MAML1: variants seen among roughly 807,000 people sequenced by gnomAD.
MAML1 encodes mastermind like transcriptional coactivator 1.
In MAML1, 14 loss-of-function variants were observed where a neutral mutation model predicts 77.1. The ratio of observed to expected loss-of-function variants is 0.18; its 90% confidence interval spans 0.12 to 0.28. MAML1 has a LOEUF of 0.28. Among genes scored for constraint, MAML1 ranks in the 10% least tolerant of loss-of-function variants. The pLI is 1.00. For synonymous variants in MAML1, 516 were observed against 551.9 expected (o/e 0.93, Z 0.91); for missense variants, 1,217 against 1,327.8 (o/e 0.92, Z 1.30).
In MAML1 at chr5:179,766,151, G is replaced by C; in HGVS notation, c.1141G>C (p.Val381Leu). 6.3e-7 allele frequency: 1 copy of C among 1,579,552 alleles called. No individual in the cohort carries two copies. The highest frequency in any genetic ancestry group is 8.6e-7 in the Non-Finnish European group (1 of 1,163,998). ...QNAQRALAGV[V>L]LPSQGPGGAS... ...CGCACAAAGAGCCCTTGCAGGTGTG[G>C]TATTGCCCAGTCAGGGCCCAGGAGG... The change falls in exon 2 of 5, where the codon GTA becomes CTA. Residue 381 changes from valine (V) to leucine (L), a missense_variant. Val to Leu is a conservative substitution (Grantham distance 32). Around this residue, in one of 3 missense-constraint regions of MAML1, gnomAD observed 884 missense variants for 949.3 expected, o/e 0.93. Coordinates refer to ENST00000292599, the MANE Select transcript of MAML1 (RefSeq NM_014757.5). This position sits in a 1 kb window ranked among gnomAD's most constrained non-coding sequence, Gnocchi z 4.0.
At chr5:179,738,389 A>G (rs1779214029) in intron 1 of MAML1, among the ~76,000 whole-genome samples, 1 of 152,204 alleles carries the variant, frequency 6.6e-6, no homozygotes, top group Non-Finnish European at 1.5e-5. Context: ...CAGGAAGTAG[A>G]TATTTCTGAA....
chr5:179,758,579 G>C (rs1038001266), intron 1 of MAML1, among the ~76,000 whole-genome samples: 3 of 151,556 alleles, frequency 2.0e-5, no homozygotes, highest in African/African-American at 7.3e-5. Context: ...TTTTAGAAAT[G>C]GCGTCTCACT....
intron 1 of MAML1, among the ~76,000 whole-genome samples, chr5:179,739,148 G>A (rs940742745): frequency 2.0e-5 from 3 of 152,072 alleles, no homozygotes. Flanking sequence ...TGCATCTGCG[G>A]ATTCAACCAA....
Position 179,776,957 on chromosome 5 carries a change from CT to C in MAML1, c.*2084del. On this transcript the variant is annotated 3_prime_UTR_variant, in exon 5 of 5. Transcript: ENST00000292599. ...AACTCAGAAGAAAAGGGTGCTCAGA[CT>C]TTTGTTATACACATTTGCTTTGTGT... 9 of 985,722 alleles carry C rather than the reference CT, an allele frequency of 9.1e-6. No homozygotes were observed. The highest frequency in any genetic ancestry group is 1.1e-5 in the Non-Finnish European group (9 of 829,798). 61.1% of individuals were successfully genotyped at this position (985,722 alleles called of 1,614,324 possible).
intron 1 of MAML1, among the ~76,000 whole-genome samples, chr5:179,736,265 AT>A (rs972811895): frequency 5.8e-4 from 88 of 150,498 alleles, no homozygotes; most frequent in Admixed American, 2.4e-3. Flanking sequence ...GACTTTTGTT[AT>A]TTTTTTTTAG....
intron 1 of MAML1, among the ~76,000 whole-genome samples, chr5:179,747,603 G>A (rs1350243833): frequency 6.6e-6 from 1 of 152,108 alleles, no homozygotes; most frequent in Non-Finnish European, 1.5e-5. Flanking sequence ...GAGGTCAGGA[G>A]ATCGAGACCA....
chr5:179,746,075 G>C (rs1779374854), intron 1 of MAML1, among the ~76,000 whole-genome samples: 1 of 151,464 alleles, frequency 6.6e-6, no homozygotes, highest in African/African-American at 2.4e-5. Flanking sequence ...TTGGCACGGT[G>C]GCTCACACCT....
chr5:179,753,795 A>G (rs1177617969), intron 1 of MAML1, among the ~76,000 whole-genome samples: 1 of 150,762 alleles, frequency 6.6e-6, no homozygotes, highest in Non-Finnish European at 1.5e-5. Flanking sequence ...CAGTCTCCCA[A>G]GTAGCTAGCT....
chr5:179,774,422 T>G lies in MAML1; in HGVS notation c.2596T>G (p.Phe866Val). 1 of 1,613,188 alleles carries G rather than the reference T, an allele frequency of 6.2e-7. No homozygotes were observed. Among genetic ancestry groups the G allele is most frequent in the Admixed American group, 1.7e-5 (1 of 60,024 alleles). ...NVSPFTAASS[F>V]HMQQQAHLKM... ...GAGTCCCTTCACTGCAGCCTCCAGTTTCCACATGCAGCAGCAGGCCCACCT... is the reference window on the plus strand; with the variant it reads ...GAGTCCCTTCACTGCAGCCTCCAGTGTCCACATGCAGCAGCAGGCCCACCT... Residue 866 changes from phenylalanine to valine, a missense_variant, in exon 5 of 5, where the codon TTC becomes GTC. Phe to Val is a conservative substitution (Grantham distance 50). Around this residue, in one of 3 missense-constraint regions of MAML1, gnomAD observed 884 missense variants for 949.3 expected, o/e 0.93. Transcript: ENST00000292599.
intron 3 of MAML1, among the ~76,000 whole-genome samples, chr5:179,770,237 A>T (rs1755952672): frequency 6.6e-6 from 1 of 152,086 alleles, no homozygotes; most frequent in Non-Finnish European, 1.5e-5. Context: ...TCACGAGGTC[A>T]GGAGATCAAG....
intron 1 of MAML1, among the ~76,000 whole-genome samples, chr5:179,760,924 T>C (rs1020611104): frequency 1.3e-5 from 2 of 151,704 alleles, no homozygotes; most frequent in Non-Finnish European, 2.9e-5. Context: ...ACCCCGTCTC[T>C]ACTAAAAATA....
chr5:179,740,653 A>G (rs1054128145), intron 1 of MAML1, among the ~76,000 whole-genome samples: 6 of 152,008 alleles, frequency 3.9e-5, no homozygotes, highest in Non-Finnish European at 8.8e-5. Flanking sequence ...GTGGATGCAT[A>G]TAAAGCTTTT....
chr5:179,735,427 G>T (rs1302351598), intron 1 of MAML1, among the ~76,000 whole-genome samples: 1 of 152,056 alleles, frequency 6.6e-6, no homozygotes, highest in Non-Finnish European at 1.5e-5. Flanking sequence ...TTGCCCTGTT[G>T]CCCAGGCTGG....
In MAML1 at chr5:179,776,119, C is replaced by T. The variant is rs1756129882; in HGVS notation, c.*1242C>T. 4 of 985,764 alleles carry T rather than the reference C, an allele frequency of 4.1e-6. No homozygotes were observed. The African/African-American group carries it at 5.2e-5, about 13-fold the overall frequency. The allele number at this position is 985,764 out of a possible 1,614,324, so 61.1% of individuals were successfully genotyped here. ...TGACATGTGAGCTGTTTTTGGAAAA[C>T]GAAGATGGAGAGAGCACTTCCCCGT... On this transcript the variant is annotated 3_prime_UTR_variant, in exon 5 of 5. Coordinates refer to ENST00000292599, the MANE Select transcript of MAML1 (RefSeq NM_014757.5).
intron 1 of MAML1, among the ~76,000 whole-genome samples, chr5:179,743,148 G>A (rs1779314393): frequency 6.7e-6 from 1 of 149,402 alleles, no homozygotes; most frequent in Non-Finnish European, 1.5e-5. Flanking sequence ...CACCTCCCGG[G>A]TTCAAGTGAT....
intron 1 of MAML1, among the ~76,000 whole-genome samples, chr5:179,735,053 T>C (rs1383099773): frequency 6.6e-6 from 1 of 152,082 alleles, no homozygotes; most frequent in African/African-American, 2.4e-5. Flanking sequence ...AGGGATAGCA[T>C]TGGGAGATAT....
intron 1 of MAML1, among the ~76,000 whole-genome samples, chr5:179,737,343 G>A (rs776882904): frequency 2.6e-5 from 4 of 152,132 alleles, no homozygotes; most frequent in Non-Finnish European, 4.4e-5. Flanking sequence ...TGGGGTCATC[G>A]GAACAGAAGA....
At chr5:179,739,346 C>T (rs1779234101) in intron 1 of MAML1, among the ~76,000 whole-genome samples, 2 of 151,780 alleles carry the variant, frequency 1.3e-5, no homozygotes, top group African/African-American at 4.8e-5. Context: ...AACAAGACTC[C>T]ATCTCTCAAA....
At chr5:179,748,495 A>C (rs1271590776) in intron 1 of MAML1, among the ~76,000 whole-genome samples, 1 of 152,218 alleles carries the variant, frequency 6.6e-6, no homozygotes, top group African/African-American at 2.4e-5. Context: ...ATGCCCTAAA[A>C]ATGTTCTAAC....
Sources: gnomAD v4.1 joint callset for allele counts (sites outside exome capture counted in the v4.1 genomes callset) on GRCh38, gnomAD v4.1.1 for gene constraint, gnomAD v4.1.1 regional missense constraint, Gnocchi (gnomAD v3.1) non-coding constraint, MANE v1.5 for transcripts, NCBI Gene and HGNC (gene_info 2026-07-23, HGNC 2026-07-21) for gene names.